The following PEPD variants were observed in gnomAD, a reference collection of about 807,000 sequenced individuals.
PEPD encodes xaa-Pro dipeptidase.
PEPD carries 53 observed loss-of-function variants against 60.7 expected under a neutral mutation model. The observed-to-expected ratio is 0.87, with a 90% CI of 0.70 to 1.10. The LOEUF (loss-of-function observed/expected upper bound fraction) is 1.10, where lower values mean the gene tolerates loss of function less well. Among genes scored for constraint, PEPD ranks in the 50% least tolerant of loss-of-function variants. PEPD has a pLI of 0.00. For synonymous variants in PEPD, 267 were observed against 284.1 expected (o/e 0.94, Z 0.60); for missense variants, 711 against 711.9 (o/e 1.00, Z 0.01).
chr19:33,401,910 CCACCG>C, intron 11 of PEPD, 41 bp from the exon 12 acceptor site: 14 of 1,601,100 alleles, frequency 8.7e-6, no homozygotes, highest in Non-Finnish European at 1.2e-5. Flanking sequence ...TACTGGGGTG[CCACCG>C]CCCCCTTACC....
chr19:33,391,720 T>C lies in PEPD; in HGVS notation c.968-241A>G, dbSNP rs75824777. 0.21 allele frequency among the ~76,000 whole-genome samples: 32,528 copies of C among 152,116 alleles called. 4,208 individuals carry two copies. Among genetic ancestry groups the C allele is most frequent in the African/African-American group, 0.37 (15,411 of 41,460 alleles). Reference sequence around the variant, plus strand: ...ACCCTTCTTGTCCCTCCATTCTGCCTCTAGGGGCAGGTTCCTGTCACCTGT... The same window carrying C: ...ACCCTTCTTGTCCCTCCATTCTGCCCCTAGGGGCAGGTTCCTGTCACCTGT... On this transcript the variant is annotated intron_variant, in intron 12 of 14. Transcript: ENST00000244137.
At chr19:33,512,049 G>A (rs1970937437) in intron 2 of PEPD, among the ~76,000 whole-genome samples, 1 of 152,114 alleles carries the variant, frequency 6.6e-6, no homozygotes, top group African/African-American at 2.4e-5. Flanking sequence ...CTCTTGCCAG[G>A]ATGCTGCATG....
intron 12 of PEPD, among the ~76,000 whole-genome samples, chr19:33,392,388 G>T (rs1221091832): frequency 1.3e-5 from 2 of 152,232 alleles, no homozygotes; most frequent in African/African-American, 4.8e-5. Flanking sequence ...CCCAGCATCA[G>T]CCTCTCCTCA....
intron 4 of PEPD, among the ~76,000 whole-genome samples, chr19:33,498,574 G>C (rs1175904118): frequency 6.6e-6 from 1 of 152,216 alleles, no homozygotes; most frequent in Non-Finnish European, 1.5e-5. Context: ...GCAGAGGCAG[G>C]TGCCGGTCCC....
At chr19:33,479,865 T>C (rs770108304) in intron 6 of PEPD, among the ~76,000 whole-genome samples, 3 of 152,240 alleles carry the variant, frequency 2.0e-5, no homozygotes, top group Non-Finnish European at 2.9e-5. Context: ...CTATTGTGAA[T>C]AGTGCTGCAG....
chr19:33,393,350 G>A (rs1168121596), intron 12 of PEPD, among the ~76,000 whole-genome samples: 1 of 152,046 alleles, frequency 6.6e-6, no homozygotes, highest in Non-Finnish European at 1.5e-5. Flanking sequence ...AACTCTGGCT[G>A]CAGCTGCCCT....
At chr19:33,467,191 A>G (rs1229206031) in intron 7 of PEPD, among the ~76,000 whole-genome samples, 1 of 151,720 alleles carries the variant, frequency 6.6e-6, no homozygotes, top group African/African-American at 2.4e-5. Context: ...AAAGAAAAAG[A>G]AAAACAGTTT....
intron 13 of PEPD, 133 bp from the exon 14 acceptor site, chr19:33,388,214 C>T: frequency 2.6e-6 from 2 of 777,882 alleles, no homozygotes; most frequent in Non-Finnish European, 4.4e-6. Context: ...TCAGCCTAGA[C>T]TCGCCCCTGC....
intron 1 of PEPD, among the ~76,000 whole-genome samples, chr19:33,518,972 A>C (rs534504615): frequency 6.6e-6 from 1 of 152,210 alleles, no homozygotes; most frequent in African/African-American, 2.4e-5. Context: ...AGAACATTCC[A>C]GGGCTAGTTG....
chr19:33,495,491 ACT>A (rs1174946006), intron 4 of PEPD, among the ~76,000 whole-genome samples: 1 of 148,520 alleles, frequency 6.7e-6, no homozygotes, highest in Non-Finnish European at 1.5e-5. Flanking sequence ...ACAGAGCGAG[ACT>A]CTGTCTCAAA....
At chr19:33,396,731 G>A (rs1489709976) in intron 12 of PEPD, among the ~76,000 whole-genome samples, 2 of 151,596 alleles carry the variant, frequency 1.3e-5, no homozygotes, top group Non-Finnish European at 2.9e-5. Context: ...GAGAGAGGGA[G>A]CTGGGTCGGG....
chr19:33,502,962 T>A (rs931501099), intron 3 of PEPD, among the ~76,000 whole-genome samples: 2 of 90,296 alleles, frequency 2.2e-5, no homozygotes, highest in African/African-American at 4.1e-5. Context: ...CGGGGGGGGG[T>A]GTTGTGGGTG....
At chr19:33,516,744 T>A (rs1452640888) in intron 1 of PEPD, among the ~76,000 whole-genome samples, 1 of 152,042 alleles carries the variant, frequency 6.6e-6, no homozygotes, top group Non-Finnish European at 1.5e-5. Context: ...TTCTCTAACC[T>A]CCAATTCGAA....
chr19:33,516,365 A>G (rs1307347624), intron 1 of PEPD, among the ~76,000 whole-genome samples: 1 of 152,094 alleles, frequency 6.6e-6, no homozygotes, highest in Admixed American at 6.5e-5. Context: ...TCCCAGGGTA[A>G]ATAAGCCATG....
chr19:33,494,239 C>G (rs2145324047), intron 4 of PEPD, among the ~76,000 whole-genome samples: 1 of 152,320 alleles, frequency 6.6e-6, no homozygotes, highest in African/African-American at 2.4e-5. Context: ...TCTCCACAGC[C>G]CTCGCCTCTC....
rs562475140 is a variant in PEPD, at chr19:33,498,807, C to A, written c.393+2131G>T. 3.3e-5 allele frequency among the ~76,000 whole-genome samples: 5 copies of A among 151,676 alleles called. No homozygotes were observed. The East Asian group carries it at 1.0e-3, about 30-fold the overall frequency. On this transcript the variant is annotated intron_variant, in intron 4 of 14. Coordinates refer to ENST00000244137, the MANE Select transcript of PEPD (RefSeq NM_000285.4). Reference sequence around the variant, plus strand: ...TCCTGGAGGCAGGTGCCCATGCCGCCAGAGTCCTTGAGACAGGATCCTGGA... The same window carrying A: ...TCCTGGAGGCAGGTGCCCATGCCGCAAGAGTCCTTGAGACAGGATCCTGGA...
At chr19:33,394,630 T>C (rs778681257) in intron 12 of PEPD, among the ~76,000 whole-genome samples, 2 of 152,208 alleles carry the variant, frequency 1.3e-5, no homozygotes, top group Non-Finnish European at 2.9e-5. Context: ...GTCCTTGCAC[T>C]AGGCTGGCAG....
rs554582482 is a variant in PEPD, at chr19:33,418,238, A to G, written c.672-4595T>C. On this transcript the variant is annotated intron_variant, in intron 9 of 14. Coordinates refer to ENST00000244137, the MANE Select transcript of PEPD (RefSeq NM_000285.4). ...ACATTTATTTTAAGTAATTGCTGCG[A>G]TATTTTCTGGGTACACATGACCATA... Among the ~76,000 whole-genome samples, 8 of 152,342 alleles carry G rather than the reference A, an allele frequency of 5.3e-5. No individual in the cohort carries two copies. The South Asian group carries it at 1.7e-3, about 32-fold the overall frequency.
At position 33,482,909 on chromosome 19, in the gene PEPD, A is replaced by G. The variant is rs367694146; in HGVS notation, c.504-4819T>C. ...AGAAGATATAAACAAGAAATTAACC[A>G]ACTTGACGTAATTGACATATACAGA... is the stretch of plus-strand genomic sequence containing the variant. On this transcript the variant is annotated intron_variant, in intron 6 of 14. Coordinates refer to ENST00000244137, the MANE Select transcript of PEPD (RefSeq NM_000285.4). Among the ~76,000 whole-genome samples the G allele has an allele frequency of 2.0e-4, 30 of 152,368 alleles. No homozygotes were observed. In the East Asian group the frequency reaches 4.4e-3, roughly 23 times the overall value.
Sources: allele counts gnomAD v4.1 joint callset (sites outside exome capture counted in the v4.1 genomes callset), GRCh38; gene constraint gnomAD v4.1.1; transcripts MANE v1.5; gene names NCBI Gene and HGNC (gene_info 2026-07-23, HGNC 2026-07-21).